FAAH2: variants seen among roughly 807,000 people sequenced by gnomAD.
FAAH2 encodes the protein fatty acid amide hydrolase 2, also known as fatty-acid amide hydrolase 2.
Under a neutral mutation model 36.9 loss-of-function variants are expected in FAAH2, and 60 were observed. That is an observed-to-expected ratio of 1.63 (90% CI 1.32 to 2.02). The LOEUF (loss-of-function observed/expected upper bound fraction) is 2.02. FAAH2 is among the 30% of genes most tolerant of loss of function. The pLI is 0.00. For synonymous variants in FAAH2, 214 were observed against 143.8 expected, an observed-to-expected ratio of 1.49 and a Z score of -3.49; for missense variants, 689 against 397.5, an observed-to-expected ratio of 1.73 and a Z score of -6.23.
chrX:57,322,602 T>A (rs1463582019), intron 3 of FAAH2, among the ~76,000 whole-genome samples: 2 of 111,575 alleles, frequency 1.8e-5, no homozygotes, highest in Admixed American at 9.6e-5. Flanking sequence ...TTTTCTAATT[T>A]GCCTTCTTTC....
At chrX:57,219,414 A>G in the FAAH2 span, among the ~76,000 whole-genome samples, 2 of 111,856 alleles carry the variant, frequency 1.8e-5, no homozygotes, top group African/African-American at 6.5e-5. Context: ...CAGCAGCTGG[A>G]CAAAGGAAGG....
chrX:57,347,031 C>T (rs756523026), intron 5 of FAAH2, among the ~76,000 whole-genome samples: 4 of 111,232 alleles, frequency 3.6e-5, no homozygotes, highest in Non-Finnish European at 7.5e-5. Context: ...AATCTGATGG[C>T]TATGTTCCTT....
chrX:57,337,113 A>G (rs895982702), intron 4 of FAAH2, among the ~76,000 whole-genome samples: 1 of 111,198 alleles, frequency 9.0e-6, no homozygotes, highest in African/African-American at 3.3e-5. Flanking sequence ...ATTACTATAT[A>G]CACCTGTATG....
chrX:57,343,107 G>A (rs1351877910), intron 5 of FAAH2, among the ~76,000 whole-genome samples: 1 of 111,042 alleles, frequency 9.0e-6, no homozygotes, highest in African/African-American at 3.3e-5. Context: ...TGTCTTTTTG[G>A]TAGAACAAAT....
At chrX:57,266,049 G>T in the FAAH2 span, among the ~76,000 whole-genome samples, 2 of 111,602 alleles carry the variant, frequency 1.8e-5, no homozygotes, top group Non-Finnish European at 3.8e-5. Flanking sequence ...AAGCTTCAGA[G>T]TGTTTGAGGT....
At chrX:57,283,698 C>T (rs2146754706), upstream of FAAH2, among the ~76,000 whole-genome samples, 1 of 110,833 alleles carries the variant, frequency 9.0e-6, no homozygotes, top group South Asian at 3.9e-4. Context: ...AGAGACTGGG[C>T]TCCTCTCTGT....
At chrX:57,263,663 C>T in the FAAH2 span, among the ~76,000 whole-genome samples, 1 of 111,605 alleles carries the variant, frequency 9.0e-6, no homozygotes, top group African/African-American at 3.2e-5. Context: ...AATTATTTAA[C>T]AACAAATACA....
chrX:57,299,371 T>C (rs1404021310), intron 2 of FAAH2, among the ~76,000 whole-genome samples: 1 of 111,883 alleles, frequency 8.9e-6, no homozygotes, highest in African/African-American at 3.2e-5. Flanking sequence ...ATTATCTCAA[T>C]AGATGCAGAA....
At chrX:57,366,894 G>A (rs2054431678) in intron 5 of FAAH2, among the ~76,000 whole-genome samples, 1 of 111,869 alleles carries the variant, frequency 8.9e-6, no homozygotes, top group African/African-American at 3.3e-5. Context: ...GAGCTGCCTG[G>A]TGGAATATGG....
chrX:57,409,809 G>A lies in FAAH2; in HGVS notation c.997-22109G>A, dbSNP rs946421120. On this transcript the variant is annotated intron_variant, in intron 7 of 10. Coordinates refer to ENST00000374900, the MANE Select transcript of FAAH2 (RefSeq NM_174912.4). The stretch of plus-strand genomic sequence containing the variant: ...TTTCTATGTTTTCTTAGGTAGTCCA[G>A]CTAATGTTTTCTCAATGTTGTTCTT... Among the ~76,000 whole-genome samples the A allele has an allele frequency of 4.6e-5, 5 of 109,615 alleles. No individual in the cohort carries two copies. The East Asian group carries it at 1.4e-3, about 31-fold the overall frequency.
At chrX:57,207,091 G>C in the FAAH2 span, among the ~76,000 whole-genome samples, 22 of 110,617 alleles carry the variant, frequency 2.0e-4, no homozygotes, top group Non-Finnish European at 4.0e-4. Context: ...TCTGCTTGAA[G>C]TGATTCCTTC....
the FAAH2 span, among the ~76,000 whole-genome samples, chrX:57,257,155 C>T: frequency 9.8e-5 from 11 of 111,994 alleles, no homozygotes; most frequent in Non-Finnish European, 2.1e-4. Context: ...GGATCTAGAA[C>T]TAGAAATACT....
chrX:57,179,032 G>A, the FAAH2 span, among the ~76,000 whole-genome samples: 31,570 of 110,242 alleles, frequency 0.29, 3,491 homozygotes, highest in Middle Eastern at 0.58. Context: ...ACCAAGCTTC[G>A]ATAAGAAGAA....
At chrX:57,449,736 G>A (rs773405613) in intron 10 of FAAH2, among the ~76,000 whole-genome samples, 7 of 110,379 alleles carry the variant, frequency 6.3e-5, no homozygotes, top group Middle Eastern at 4.6e-3. Context: ...GCACAAGCTC[G>A]GCTCACTGCA....
chrX:57,200,191 G>A, the FAAH2 span, among the ~76,000 whole-genome samples: 1 of 107,773 alleles, frequency 9.3e-6, no homozygotes, highest in South Asian at 4.1e-4. Context: ...TTTAATGAAG[G>A]TGAATTTTTC....
At chrX:57,359,220 T>C (rs775531636) in intron 5 of FAAH2, among the ~76,000 whole-genome samples, 12 of 111,167 alleles carry the variant, frequency 1.1e-4, no homozygotes, top group African/African-American at 3.6e-4. Context: ...CTGGTAACCA[T>C]GATTTTACTC....
At chrX:57,310,071 C>T (rs1350448349) in intron 2 of FAAH2, among the ~76,000 whole-genome samples, 2 of 112,218 alleles carry the variant, frequency 1.8e-5, no homozygotes, top group Non-Finnish European at 3.8e-5. Context: ...TCCTTTACCT[C>T]TGTAGCCTCG....
chrX:57,480,799 G>A lies in FAAH2; in HGVS notation c.1424-7958G>A, dbSNP rs181102469. ...ATGTTGGCCTGTCTTGCTAGGTTGG[G>A]GAATTTTCCTGGATAATATCCTGAA... On this transcript the variant is annotated intron_variant, in intron 10 of 10. Coordinates refer to ENST00000374900, the MANE Select transcript of FAAH2 (RefSeq NM_174912.4). Among the ~76,000 whole-genome samples the A allele has an allele frequency of 6.5e-3, 726 of 111,014 alleles. 6 individuals are homozygous for A. Among genetic ancestry groups the A allele is most frequent in the Middle Eastern group, 9.2e-3 (2 of 218 alleles).
intron 5 of FAAH2, among the ~76,000 whole-genome samples, chrX:57,363,249 G>A (rs941099667): frequency 4.5e-5 from 5 of 111,471 alleles, no homozygotes; most frequent in Non-Finnish European, 9.4e-5. Flanking sequence ...ATTTATTTTA[G>A]CAGAGTTTTA....
Sources: gnomAD v4.1 joint callset for allele counts (sites outside exome capture counted in the v4.1 genomes callset) on GRCh38, gnomAD v4.1.1 for gene constraint, MANE v1.5 for transcripts, NCBI Gene and HGNC (gene_info 2026-07-23, HGNC 2026-07-21) for gene names.